Variants in SLC22A15 observed in about 807,000 individuals in gnomAD.
SLC22A15 encodes the protein flipt 1.
A neutral mutation model predicts 62.7 loss-of-function variants in SLC22A15; 45 were observed. The ratio of observed to expected loss-of-function variants is 0.72; its 90% CI spans 0.56 to 0.92. SLC22A15 has a LOEUF of 0.92. SLC22A15 is among the 40% of genes least tolerant of loss of function. The pLI, the probability that SLC22A15 is intolerant of heterozygous loss-of-function variation, is 0.00. For synonymous variants in SLC22A15, 264 were observed against 267.0 expected, an observed-to-expected ratio of 0.99 and a Z score of 0.11; for missense variants, 622 against 665.6, an observed-to-expected ratio of 0.93 and a Z score of 0.72.
At chr1:116,029,987 G>A (rs983746358) in intron 5 of SLC22A15, among the ~76,000 whole-genome samples, 3 of 152,102 alleles carry the variant, frequency 2.0e-5, no homozygotes, top group African/African-American at 7.2e-5. Context: ...CCTATGGATA[G>A]GGCCAATAAA....
chr1:115,989,547 G>T (rs920217374), intron 1 of SLC22A15, among the ~76,000 whole-genome samples: 4 of 152,236 alleles, frequency 2.6e-5, no homozygotes, highest in Non-Finnish European at 4.4e-5. Context: ...TTGGGAGGCC[G>T]AGGCAGGTGG....
intron 6 of SLC22A15, among the ~76,000 whole-genome samples, chr1:116,033,765 G>A (rs1219083004): frequency 2.0e-5 from 3 of 152,102 alleles, no homozygotes; most frequent in Non-Finnish European, 2.9e-5. Flanking sequence ...AAGATACCTG[G>A]GAGACAGTGA....
intron 2 of SLC22A15, 67 bp downstream of exon 2, chr1:115,992,310 G>T: frequency 7.6e-7 from 1 of 1,319,898 alleles, no homozygotes. Flanking sequence ...TACTCTTTTT[G>T]TCTTGCTGAT....
chr1:116,049,588 T>G (rs1215528245), intron 8 of SLC22A15, among the ~76,000 whole-genome samples: 1 of 152,180 alleles, frequency 6.6e-6, no homozygotes, highest in Non-Finnish European at 1.5e-5. Flanking sequence ...ACCTCTGTGA[T>G]ACAGCAAAGG....
At chr1:115,984,922 T>C (rs1436992296) in intron 1 of SLC22A15, among the ~76,000 whole-genome samples, 1 of 152,174 alleles carries the variant, frequency 6.6e-6, no homozygotes, top group Non-Finnish European at 1.5e-5. Flanking sequence ...CTATATAATG[T>C]GTTTGTGTTT....
rs1464344771 is a variant in SLC22A15 at position 116,069,458 on chromosome 1, T to C, written c.*2350T>C. The C allele has an allele frequency of 6.6e-6, 1 of 152,164 alleles. No individual in the cohort carries two copies. Among genetic ancestry groups the C allele is most frequent in the Non-Finnish European group, 1.5e-5 (1 of 68,026 alleles). The allele number at this position is 152,164 out of a possible 1,614,324, so 9.4% of individuals were successfully genotyped here. ...GGATGGTTTGTAAAAAGTATCCTGT[T>C]TTTTTAATTCTATTCAAAATTAAAA... On this transcript the variant is annotated 3_prime_UTR_variant, in exon 12 of 12. Transcript: ENST00000369503.
At chr1:116,016,756 T>C (rs1234851342) in intron 2 of SLC22A15, among the ~76,000 whole-genome samples, 1 of 152,126 alleles carries the variant, frequency 6.6e-6, no homozygotes, top group Non-Finnish European at 1.5e-5. Flanking sequence ...AGGTGACTCT[T>C]CCATTCGTTC....
At chr1:116,032,498 C>A (rs1054546038) in intron 6 of SLC22A15, 6 of 985,224 alleles carry the variant, frequency 6.1e-6, no homozygotes, top group Non-Finnish European at 4.8e-6. Flanking sequence ...TGAAAGTGAT[C>A]TTATGTATAA....
chr1:115,993,652 CT>C (rs1399435492), intron 2 of SLC22A15, among the ~76,000 whole-genome samples: 2 of 152,080 alleles, frequency 1.3e-5, no homozygotes, highest in Non-Finnish European at 2.9e-5. Context: ...ACTATACTAA[CT>C]TTTTGAGGGA....
At position 116,014,471 on chromosome 1, in the gene SLC22A15, T is replaced by G. The variant is rs1284820087; in HGVS notation, c.301-5111T>G. ...ATAAGAACAAAAATACAGATGCTGG[T>G]TATAAAACAGATGTAAGTCAGCCTG... On this transcript the variant is annotated intron_variant, in intron 2 of 11. Coordinates refer to ENST00000369503, the MANE Select transcript of SLC22A15 (RefSeq NM_018420.3). Among the ~76,000 whole-genome samples, 8 of 152,256 alleles carry G rather than the reference T, an allele frequency of 5.3e-5. No individual in the cohort carries two copies. In the East Asian group the frequency reaches 1.2e-3, roughly 22 times the overall value.
chr1:116,051,104 C>A (rs967726487), intron 8 of SLC22A15, among the ~76,000 whole-genome samples: 4 of 152,176 alleles, frequency 2.6e-5, no homozygotes, highest in African/African-American at 9.7e-5. Flanking sequence ...ATTCCATGTT[C>A]ATGGATGGGT....
chr1:116,057,808 CA>C (rs1658256056), intron 8 of SLC22A15, among the ~76,000 whole-genome samples: 2 of 151,822 alleles, frequency 1.3e-5, no homozygotes, highest in Admixed American at 1.3e-4. Context: ...ATCGCAAGGA[CA>C]AAAAACCAAA....
At chr1:115,983,977 T>C (rs1373133874) in intron 1 of SLC22A15, among the ~76,000 whole-genome samples, 1 of 152,246 alleles carries the variant, frequency 6.6e-6, no homozygotes, top group African/African-American at 2.4e-5. Flanking sequence ...TAGCTAACAC[T>C]TGGCATTCTA....
chr1:116,062,030 G>A (rs900523554), intron 8 of SLC22A15, among the ~76,000 whole-genome samples: 1 of 152,070 alleles, frequency 6.6e-6, no homozygotes, highest in African/African-American at 2.4e-5. Context: ...CCAACATGGG[G>A]AAACACTGTC....
At position 116,068,978 on chromosome 1, in the gene SLC22A15, G is replaced by A. The variant is rs996716591; in HGVS notation, c.*1870G>A. 12 of 152,086 alleles carry A rather than the reference G, an allele frequency of 7.9e-5. No homozygotes were observed. The highest frequency in any genetic ancestry group is 1.9e-4 in the African/African-American group (8 of 41,412). The allele number at this position is 152,086 out of a possible 1,614,324, so 9.4% of individuals were successfully genotyped here. On this transcript the variant is annotated 3_prime_UTR_variant, in exon 12 of 12. Transcript: ENST00000369503. Reference sequence around the variant, plus strand: ...ATTTGGAAACTATAAATTTAGAAACGTATCACCCATACGTCCAACATCGAA... The same window carrying A: ...ATTTGGAAACTATAAATTTAGAAACATATCACCCATACGTCCAACATCGAA...
chr1:115,998,073 T>A (rs2101122551), intron 2 of SLC22A15, among the ~76,000 whole-genome samples: 1 of 152,352 alleles, frequency 6.6e-6, no homozygotes, highest in East Asian at 1.9e-4. Flanking sequence ...ATTCTGTTGA[T>A]ATGATGTATC....
intron 6 of SLC22A15, among the ~76,000 whole-genome samples, chr1:116,033,331 A>G (rs758509112): frequency 6.6e-6 from 1 of 152,216 alleles, no homozygotes; most frequent in African/African-American, 2.4e-5. Flanking sequence ...GAGGATTGAA[A>G]TGATTTTAAT....
At chr1:115,982,009 G>A (rs1245255135) in intron 1 of SLC22A15, among the ~76,000 whole-genome samples, 4 of 152,220 alleles carry the variant, frequency 2.6e-5, no homozygotes, top group South Asian at 2.1e-4. Context: ...GCTGGATCAC[G>A]AAAGTTTAAT....
At chr1:116,062,548 A>G (rs1260370142) in intron 8 of SLC22A15, among the ~76,000 whole-genome samples, 1 of 152,188 alleles carries the variant, frequency 6.6e-6, no homozygotes, top group Non-Finnish European at 1.5e-5. Context: ...TAATGACACC[A>G]CTATGTAAGT....
Sources: allele counts gnomAD v4.1 joint callset (sites outside exome capture counted in the v4.1 genomes callset), GRCh38; gene constraint gnomAD v4.1.1; transcripts MANE v1.5; gene names NCBI Gene and HGNC (gene_info 2026-07-23, HGNC 2026-07-21).